The following CLSTN2 variants were observed in gnomAD, a reference collection of about 807,000 sequenced individuals.
The protein encoded by CLSTN2 is calsyntenin-2.
CLSTN2 carries 48 observed loss-of-function variants against 101.2 expected under a neutral mutation model. The ratio of observed to expected loss-of-function variants is 0.47; its 90% CI spans 0.38 to 0.60. The LOEUF is 0.60. CLSTN2 is among the 20% of genes least tolerant of loss of function. The probability of loss-of-function intolerance (pLI) is 0.00; values close to 1 mark genes in which losing one functional copy is unlikely to be tolerated. For missense variants in CLSTN2, 1,160 were observed against 1,238.2 expected (o/e 0.94, Z 0.95); for synonymous variants, 481 against 463.6 (o/e 1.04, Z -0.48).
rs113993494 is a variant in CLSTN2 at position 140,405,521 on chromosome 3, C to A, written c.637+755C>A. On this transcript the variant is annotated intron_variant, in intron 4 of 16. Transcript: ENST00000458420. ...GGATTACAGGCGTGAGCCACTGTGC[C>A]TGGCCTCATTCAGGACTTTATAAAG... Among the ~76,000 whole-genome samples the A allele has an allele frequency of 9.6e-3, 1,456 of 152,088 alleles. 23 individuals are homozygous for A. Among genetic ancestry groups the A allele is most frequent in the African/African-American group, 0.031 (1,299 of 41,454 alleles).
chr3:140,563,771 G>A (rs1295911755), intron 15 of CLSTN2, among the ~76,000 whole-genome samples, 190 bp from the exon 16 acceptor site: 1 of 152,156 alleles, frequency 6.6e-6, no homozygotes, highest in Non-Finnish European at 1.5e-5. Flanking sequence ...CATAGGATAG[G>A]AATTATTATG....
chr3:140,434,389 A>G (rs3846016), intron 5 of CLSTN2, among the ~76,000 whole-genome samples: 23,860 of 152,064 alleles, frequency 0.16, 2,420 homozygotes, highest in South Asian at 0.33. Flanking sequence ...TCAACTCAAG[A>G]CACTTCCCTC....
chr3:140,071,180 G>T (rs772215862), intron 1 of CLSTN2, among the ~76,000 whole-genome samples: 18 of 152,104 alleles, frequency 1.2e-4, no homozygotes, highest in Non-Finnish European at 1.3e-4. Context: ...TTTCAAATGA[G>T]CAGGAAAAGA....
At chr3:140,483,693 T>C (rs1362410133) in intron 8 of CLSTN2, among the ~76,000 whole-genome samples, 1 of 152,292 alleles carries the variant, frequency 6.6e-6, no homozygotes, top group East Asian at 1.9e-4. Flanking sequence ...TTTACCATTA[T>C]GTAATGGCCT....
At chr3:140,292,913 G>A (rs1417985912) in intron 2 of CLSTN2, among the ~76,000 whole-genome samples, 1 of 152,228 alleles carries the variant, frequency 6.6e-6, no homozygotes, top group African/African-American at 2.4e-5. Flanking sequence ...CAATGAGGCT[G>A]AGTCTCTGGT....
chr3:140,266,505 T>C (rs1197875737), intron 2 of CLSTN2, among the ~76,000 whole-genome samples: 1 of 152,194 alleles, frequency 6.6e-6, no homozygotes, highest in African/African-American at 2.4e-5. Flanking sequence ...ACATTTCCAA[T>C]TCTCAGCTAC....
At chr3:140,431,347 T>C (rs2088626029) in intron 5 of CLSTN2, among the ~76,000 whole-genome samples, 1 of 152,202 alleles carries the variant, frequency 6.6e-6, no homozygotes. Context: ...GAGACTTGGG[T>C]GTCAAGCTTC....
At chr3:140,333,350 G>C (rs1457505830) in intron 2 of CLSTN2, among the ~76,000 whole-genome samples, 2 of 152,118 alleles carry the variant, frequency 1.3e-5, no homozygotes, top group African/African-American at 2.4e-5. Flanking sequence ...TGCTGTCTGG[G>C]TCTTAGCGTG....
chr3:140,529,305 T>C (rs940978330), intron 8 of CLSTN2, among the ~76,000 whole-genome samples: 2 of 152,244 alleles, frequency 1.3e-5, no homozygotes, highest in Non-Finnish European at 2.9e-5. Flanking sequence ...GGAGTACATC[T>C]GCAGGTGTCC....
chr3:140,132,986 G>T (rs931336830), intron 1 of CLSTN2, among the ~76,000 whole-genome samples: 2 of 152,106 alleles, frequency 1.3e-5, no homozygotes, highest in African/African-American at 4.8e-5. Context: ...TTCTATAAAG[G>T]AATACCCAAG....
chr3:140,180,895 G>T (rs1212468639), intron 2 of CLSTN2, among the ~76,000 whole-genome samples: 1 of 152,172 alleles, frequency 6.6e-6, no homozygotes, highest in Non-Finnish European at 1.5e-5. Context: ...TTTGTTCAGG[G>T]CCTGCTAGTG....
chr3:139,959,873 A>G (rs766556317), intron 1 of CLSTN2, among the ~76,000 whole-genome samples: 3 of 152,170 alleles, frequency 2.0e-5, no homozygotes, highest in Non-Finnish European at 2.9e-5. Flanking sequence ...GGATTATCTT[A>G]TCCCACAAAC....
At chr3:140,206,666 T>C (rs1051214919) in intron 2 of CLSTN2, among the ~76,000 whole-genome samples, 6 of 152,216 alleles carry the variant, frequency 3.9e-5, no homozygotes, top group African/African-American at 1.4e-4. Flanking sequence ...GCCAAATGGA[T>C]TTGAAGCAGC....
chr3:140,374,878 G>C (rs2107960185), intron 2 of CLSTN2, among the ~76,000 whole-genome samples: 1 of 152,330 alleles, frequency 6.6e-6, no homozygotes, highest in South Asian at 2.1e-4. Flanking sequence ...AGGTTTGAGA[G>C]AAGGAAGTTG....
chr3:140,234,897 T>C (rs1369532890), intron 2 of CLSTN2, among the ~76,000 whole-genome samples: 1 of 152,198 alleles, frequency 6.6e-6, no homozygotes. Context: ...CTTAATGTTC[T>C]GCAGCAGCTC....
At position 140,562,840 on chromosome 3, in the gene CLSTN2, G is replaced by T. The variant is rs141469837; in HGVS notation, c.2242G>T (p.Val748Leu). 1.4e-4 allele frequency: 225 copies of T among 1,614,064 alleles called. 1 individual carries two copies. In the African/African-American group the frequency reaches 2.8e-3, roughly 20 times the overall value. Residue 748 changes from valine to leucine, a missense_variant, in exon 14 of 17, where the codon GTG becomes TTG. By Grantham distance (32) the Val-to-Leu change is conservative (BLOSUM62 1). Transcript: ENST00000458420. ...GVGSMSRYEQ[V>L]LHHIRYRNWR... ...GGGCTCCATGAGCCGCTATGAGCAG[G>T]TGCTACATCACATCCGCTACCGCAA...
At chr3:140,056,343 C>T (rs1004680652) in intron 1 of CLSTN2, among the ~76,000 whole-genome samples, 2 of 152,284 alleles carry the variant, frequency 1.3e-5, no homozygotes, top group South Asian at 2.1e-4. Context: ...AAGTATCTCC[C>T]CTCCTGCCAA....
At chr3:140,426,268 T>G (rs1025051423) in intron 5 of CLSTN2, among the ~76,000 whole-genome samples, 1 of 152,186 alleles carries the variant, frequency 6.6e-6, no homozygotes, top group African/African-American at 2.4e-5. Context: ...TTTATACTAA[T>G]GCTCTCCCTC....
chr3:140,275,472 A>G (rs1428135576), intron 2 of CLSTN2, among the ~76,000 whole-genome samples: 2 of 152,008 alleles, frequency 1.3e-5, no homozygotes, highest in Non-Finnish European at 2.9e-5. Flanking sequence ...GGGTCTTGCT[A>G]TGTTGCCCAG....
Sources: allele counts gnomAD v4.1 joint callset (sites outside exome capture counted in the v4.1 genomes callset), GRCh38; gene constraint gnomAD v4.1.1; transcripts MANE v1.5; gene names NCBI Gene and HGNC (gene_info 2026-07-23, HGNC 2026-07-21).